FMN1: variants seen among roughly 807,000 people sequenced by gnomAD.
FMN1 encodes formin 1.
FMN1 carries 110 observed loss-of-function variants against 132.4 expected under a neutral mutation model. The ratio of observed to expected loss-of-function variants is 0.83; its 90% CI spans 0.71 to 0.97. FMN1 has a LOEUF of 0.97. Among genes scored for constraint, FMN1 ranks in the 50% least tolerant of loss-of-function variants. The pLI, the probability that FMN1 is intolerant of heterozygous loss-of-function variation, is 0.00. For missense variants in FMN1, 1,792 were observed against 1,705.3 expected, an observed-to-expected ratio of 1.05 and a Z score of -0.90; for synonymous variants, 722 against 651.7, an observed-to-expected ratio of 1.11 and a Z score of -1.64.
At chr15:32,885,065 C>T (rs987839286) in intron 16 of FMN1, among the ~76,000 whole-genome samples, 2 of 152,190 alleles carry the variant, frequency 1.3e-5, no homozygotes, top group African/African-American at 2.4e-5. Context: ...ATACTTTCTA[C>T]GATTATGCTA....
At chr15:32,837,195 G>T (rs1002746512) in intron 17 of FMN1, 1 of 232,424 alleles carries the variant, frequency 4.3e-6, no homozygotes. Flanking sequence ...TATCCAGGAC[G>T]GGAAGCTGCT....
chr15:33,054,775 G>A (rs1345060719), intron 6 of FMN1, among the ~76,000 whole-genome samples: 1 of 152,006 alleles, frequency 6.6e-6, no homozygotes, highest in East Asian at 1.9e-4. Flanking sequence ...AACAGTTTTT[G>A]GTGAAAGCTT....
chr15:32,806,805 C>T (rs1356895199), intron 17 of FMN1, among the ~76,000 whole-genome samples: 1 of 152,200 alleles, frequency 6.6e-6, no homozygotes, highest in African/African-American at 2.4e-5. Context: ...GAGGTCTCAG[C>T]AGAAGTATCT....
chr15:32,858,020 T>G (rs566792577), intron 16 of FMN1, among the ~76,000 whole-genome samples: 41 of 152,342 alleles, frequency 2.7e-4, no homozygotes, highest in Non-Finnish European at 4.6e-4. Flanking sequence ...GATATGTTCT[T>G]GTCCAAAAGC....
At chr15:32,929,898 T>G (rs2061062610) in intron 9 of FMN1, among the ~76,000 whole-genome samples, 1 of 151,974 alleles carries the variant, frequency 6.6e-6, no homozygotes, top group Non-Finnish European at 1.5e-5. Flanking sequence ...CATGGGAATA[T>G]CTTTTCAATA....
chr15:32,873,433 C>T (rs1038546174), intron 16 of FMN1, among the ~76,000 whole-genome samples: 2 of 152,208 alleles, frequency 1.3e-5, no homozygotes, highest in Non-Finnish European at 2.9e-5. Context: ...TAAAACTGTG[C>T]TCTCCTGTAA....
Position 32,996,564 on chromosome 15 carries a change from A to G in FMN1, c.2223+11450T>C, listed in dbSNP as rs2033781340. 2.0e-5 allele frequency among the ~76,000 whole-genome samples: 3 copies of G among 152,198 alleles called. No homozygotes were observed. The South Asian group carries it at 6.2e-4, about 32-fold the overall frequency. On this transcript the variant is annotated intron_variant, in intron 7 of 20. Coordinates refer to ENST00000616417, the MANE Select transcript of FMN1 (RefSeq NM_001277313.2). ...GTTCAGTGTACAGGGTAAGAGGGCCACCTCATAATGGTGTAATAGCTCATT... is the reference window on the plus strand; with the variant it reads ...GTTCAGTGTACAGGGTAAGAGGGCCGCCTCATAATGGTGTAATAGCTCATT...
At chr15:33,023,071 A>AAAG (rs1389127087) in intron 6 of FMN1, among the ~76,000 whole-genome samples, 68 of 73,026 alleles carry the variant, frequency 9.3e-4, no homozygotes, top group Middle Eastern at 0.012. Flanking sequence ...AAAAAAAAAA[A>AAAG]AAAAAAGAAA....
At chr15:32,807,180 T>A (rs1013432826) in intron 17 of FMN1, among the ~76,000 whole-genome samples, 1 of 152,268 alleles carries the variant, frequency 6.6e-6, no homozygotes, top group Non-Finnish European at 1.5e-5. Context: ...TAAAGAAGAT[T>A]GAGAGGCTAA....
chr15:32,809,248 GGTTAA>G (rs1179737047), intron 17 of FMN1, among the ~76,000 whole-genome samples: 2 of 152,074 alleles, frequency 1.3e-5, no homozygotes, highest in African/African-American at 4.8e-5. Context: ...TTTTTTGAGA[GGTTAA>G]GTTTTCTGAG....
At chr15:33,096,439 G>C (rs980753762) in intron 4 of FMN1, among the ~76,000 whole-genome samples, 1 of 152,088 alleles carries the variant, frequency 6.6e-6, no homozygotes, top group African/African-American at 2.4e-5. Flanking sequence ...GCTAAGAAAT[G>C]GCCTCTATAA....
intron 4 of FMN1, among the ~76,000 whole-genome samples, chr15:33,093,215 A>T (rs1036980080): frequency 6.6e-6 from 1 of 152,166 alleles, no homozygotes; most frequent in East Asian, 1.9e-4. Context: ...CAAAAACCCT[A>T]AGCTTAAAAC....
chr15:32,863,359 G>A (rs1232890915), intron 16 of FMN1, among the ~76,000 whole-genome samples: 2 of 152,150 alleles, frequency 1.3e-5, no homozygotes, highest in Admixed American at 6.5e-5. Context: ...GCGTGAACCC[G>A]GGAGGCGGAG....
intron 17 of FMN1, among the ~76,000 whole-genome samples, chr15:32,818,228 G>T (rs1162429368): frequency 6.6e-6 from 1 of 151,910 alleles, no homozygotes; most frequent in Non-Finnish European, 1.5e-5. Flanking sequence ...TAACATAAAG[G>T]TATAGGTATA....
chr15:32,796,229 A>G (rs1314999852), intron 19 of FMN1, among the ~76,000 whole-genome samples: 1 of 152,244 alleles, frequency 6.6e-6, no homozygotes, highest in Non-Finnish European at 1.5e-5. Flanking sequence ...AGTTTTCAAC[A>G]CTTCCATTTC....
At chr15:32,883,361 T>C (rs1340334723) in intron 16 of FMN1, among the ~76,000 whole-genome samples, 1 of 151,604 alleles carries the variant, frequency 6.6e-6, no homozygotes, top group African/African-American at 2.4e-5. Flanking sequence ...ATTTACAAAA[T>C]TAGCTGGGCG....
At chr15:32,782,793 C>A (rs530312542) in intron 19 of FMN1, among the ~76,000 whole-genome samples, 1 of 152,256 alleles carries the variant, frequency 6.6e-6, no homozygotes, top group South Asian at 2.1e-4. Flanking sequence ...AAATGTGGAT[C>A]ACATACACCA....
chr15:32,954,736 A>T (rs147971336), intron 9 of FMN1, among the ~76,000 whole-genome samples: 32 of 152,210 alleles, frequency 2.1e-4, no homozygotes, highest in East Asian at 1.5e-3. Flanking sequence ...CTGGGCACGG[A>T]GGCTCACGCC....
chr15:32,792,134 C>T (rs963748022), intron 19 of FMN1, among the ~76,000 whole-genome samples: 13 of 151,864 alleles, frequency 8.6e-5, no homozygotes, highest in African/African-American at 2.9e-4. Flanking sequence ...ATTATCAGAG[C>T]AACGAGGCAT....
Sources: allele counts gnomAD v4.1 joint callset (sites outside exome capture counted in the v4.1 genomes callset), GRCh38; gene constraint gnomAD v4.1.1; transcripts MANE v1.5; gene names NCBI Gene and HGNC (gene_info 2026-07-23, HGNC 2026-07-21).